The following CFHR4 variants were observed in gnomAD, a reference collection of about 807,000 sequenced individuals.
CFHR4 encodes the protein complement factor H-related protein 4.
A neutral mutation model predicts 69.3 loss-of-function variants in CFHR4; 64 were observed. The observed-to-expected ratio is 0.92, with a 90% confidence interval of 0.76 to 1.14. CFHR4 has a LOEUF of 1.14. Among genes scored for constraint, CFHR4 ranks in the 50% most tolerant of loss-of-function variants. The pLI, the probability that CFHR4 is intolerant of heterozygous loss-of-function variation, is 0.00. For missense variants in CFHR4, 636 were observed against 684.9 expected (o/e 0.93, Z 0.80); for synonymous variants, 244 against 237.0 (o/e 1.03, Z -0.27).
intron 6 of CFHR4, among the ~76,000 whole-genome samples, chr1:196,911,371 T>C (rs1658262274): frequency 6.6e-6 from 1 of 151,530 alleles, no homozygotes; most frequent in East Asian, 1.9e-4. Flanking sequence ...AGTATTTATA[T>C]TGAAATCATG....
chr1:196,893,770 C>A (rs1657148759), intron 1 of CFHR4, among the ~76,000 whole-genome samples: 1 of 151,540 alleles, frequency 6.6e-6, no homozygotes, highest in African/African-American at 2.4e-5. Flanking sequence ...GATTTACCAA[C>A]ACAAGAAGCA....
At chr1:196,895,817 G>A (rs551665714) in intron 1 of CFHR4, among the ~76,000 whole-genome samples, 2 of 151,260 alleles carry the variant, frequency 1.3e-5, no homozygotes, top group South Asian at 2.1e-4. Flanking sequence ...TTCTTTGTAT[G>A]ACATAATTTT....
chr1:196,906,708 C>CA lies in CFHR4; in HGVS notation c.440-145dup, dbSNP rs531928324. On this transcript the variant is annotated intron_variant, in intron 3 of 9. Transcript: ENST00000608469. ...TCTCTTGTAATTAACTGTTATAGCACAAAAAAAACACTGATTGTCGGACTA... is the reference window on the plus strand; with the variant it reads ...TCTCTTGTAATTAACTGTTATAGCACAAAAAAAAACACTGATTGTCGGACTA... Among the ~76,000 whole-genome samples, 185 of 150,748 alleles carry CA rather than the reference C, an allele frequency of 1.2e-3. 1 individual carries two copies. The highest frequency in any genetic ancestry group is 6.8e-3 in the Middle Eastern group (2 of 294).
intron 7 of CFHR4, among the ~76,000 whole-genome samples, chr1:196,914,113 A>T (rs540697791): frequency 1.8e-4 from 28 of 151,542 alleles, no homozygotes; most frequent in Admixed American, 4.6e-4. Flanking sequence ...GTAAATCGTT[A>T]CATAACTACA....
At chr1:196,896,757 A>G (rs1657318290) in intron 1 of CFHR4, among the ~76,000 whole-genome samples, 1 of 151,610 alleles carries the variant, frequency 6.6e-6, no homozygotes. Context: ...GTACAATCAG[A>G]CAAATTCTGG....
intron 9 of CFHR4, among the ~76,000 whole-genome samples, chr1:196,915,614 G>A (rs1275249089): frequency 2.0e-5 from 3 of 151,080 alleles, no homozygotes; most frequent in African/African-American, 7.3e-5. Flanking sequence ...CAGCCTGGGC[G>A]ACAGAGGGAG....
intron 3 of CFHR4, 65 bp from the exon 4 acceptor site, chr1:196,906,796 C>T: frequency 6.7e-7 from 1 of 1,494,940 alleles, no homozygotes; most frequent in Non-Finnish European, 8.9e-7. Context: ...TACAATGGGA[C>T]TTTCTTAGTC....
At position 196,912,593 on chromosome 1, in the gene CFHR4, A is replaced by G. The variant is rs1464368879; in HGVS notation, c.998-147A>G. 4 of 906,322 alleles carry G rather than the reference A, an allele frequency of 4.4e-6. No homozygotes were observed. In the Admixed American group the frequency reaches 1.1e-4, roughly 24 times the overall value. 56.1% of individuals were successfully genotyped at this position (906,322 alleles called of 1,614,324 possible). A position where few individuals can be genotyped will look rare whatever the true frequency, so the allele number is the denominator to read the frequency against. ...TTCGTGGTTTCCTTTAAGAACACGG[A>G]TGTCTAGGAAACTTCCAGTTTTGCT... On this transcript the variant is annotated intron_variant, in intron 6 of 9. Coordinates refer to ENST00000608469, the MANE Select transcript of CFHR4 (RefSeq NM_001201550.3).
intron 1 of CFHR4, among the ~76,000 whole-genome samples, chr1:196,898,963 C>A (rs1657452424): frequency 6.6e-6 from 1 of 151,524 alleles, no homozygotes; most frequent in African/African-American, 2.4e-5. Context: ...TAGGAGGAAG[C>A]CTTCATGTCA....
chr1:196,905,331 C>T (rs779752642), intron 3 of CFHR4, 41 bp downstream of exon 3: 3 of 1,605,930 alleles, frequency 1.9e-6, no homozygotes, highest in African/African-American at 1.3e-5. Context: ...CTGTCAACTT[C>T]TTTCCTCTCT....
At chr1:196,897,877 T>C (rs1229663314) in intron 1 of CFHR4, among the ~76,000 whole-genome samples, 2 of 151,308 alleles carry the variant, frequency 1.3e-5, no homozygotes, top group Non-Finnish European at 2.9e-5. Flanking sequence ...TGACAGGGAA[T>C]CGCCCTCTTC....
intron 1 of CFHR4, among the ~76,000 whole-genome samples, chr1:196,888,986 T>C (rs1656880253): frequency 7.0e-6 from 1 of 143,778 alleles, no homozygotes; most frequent in Non-Finnish European, 1.5e-5. Flanking sequence ...TAAAGAACTA[T>C]ATTGTATGTA....
At chr1:196,903,231 G>T (rs184898189) in intron 2 of CFHR4, among the ~76,000 whole-genome samples, 3 of 151,256 alleles carry the variant, frequency 2.0e-5, no homozygotes, top group African/African-American at 7.3e-5. Context: ...CTCTGAAGCC[G>T]AATTTATGTC....
At chr1:196,904,209 G>A (rs1253704223) in intron 2 of CFHR4, among the ~76,000 whole-genome samples, 1 of 151,454 alleles carries the variant, frequency 6.6e-6, no homozygotes, top group African/African-American at 2.4e-5. Context: ...TATAGGTATC[G>A]AAAATAAAAT....
At chr1:196,911,444 C>A (rs1431039764) in intron 6 of CFHR4, among the ~76,000 whole-genome samples, 1 of 151,366 alleles carries the variant, frequency 6.6e-6, no homozygotes, top group African/African-American at 2.4e-5. Context: ...AAATATAATG[C>A]TTGCCCAAAG....
rs1029702889 is a variant in CFHR4, at chr1:196,910,865, A to T, written c.997+387A>T. Among the ~76,000 whole-genome samples, 29 of 151,584 alleles carry T rather than the reference A, an allele frequency of 1.9e-4. 3 individuals carry two copies. The highest frequency in any genetic ancestry group is 1.6e-3 in the Admixed American group (24 of 15,192). ...TTATTTTAATATACTATTTTGATCA[A>T]ATTCATGTTCCTAATCTACCTTTTA... On this transcript the variant is annotated intron_variant, in intron 6 of 9. Coordinates refer to ENST00000608469, the MANE Select transcript of CFHR4 (RefSeq NM_001201550.3).
intron 2 of CFHR4, among the ~76,000 whole-genome samples, chr1:196,904,831 A>G (rs1212213195): frequency 1.3e-5 from 2 of 151,660 alleles, no homozygotes; most frequent in Admixed American, 6.6e-5. Context: ...CCAAATAATT[A>G]TAGGGAATTG....
At chr1:196,902,279 T>C in intron 1 of CFHR4, 139 bp from the exon 2 acceptor site, 2 of 636,182 alleles carry the variant, frequency 3.1e-6, no homozygotes, top group Non-Finnish European at 5.3e-6. Flanking sequence ...GGTCATTGGA[T>C]TTCTGTAACT....
rs375350994 is a variant in CFHR4 at position 196,901,472 on chromosome 1, T to TA, written c.59-944dup. ...GACAATAAACCAGTGGACTAAAGAA[T>TA]AATGGAGATAATAAACAATATTGTG... On this transcript the variant is annotated intron_variant, in intron 1 of 9. Coordinates refer to ENST00000608469, the MANE Select transcript of CFHR4 (RefSeq NM_001201550.3). Among the ~76,000 whole-genome samples, 89 of 151,436 alleles carry TA rather than the reference T, an allele frequency of 5.9e-4. 2 individuals are homozygous for TA. The highest frequency in any genetic ancestry group is 2.1e-3 in the African/African-American group (88 of 41,130).
Sources: allele counts gnomAD v4.1 joint callset (sites outside exome capture counted in the v4.1 genomes callset), GRCh38; gene constraint gnomAD v4.1.1; transcripts MANE v1.5; gene names NCBI Gene and HGNC (gene_info 2026-07-23, HGNC 2026-07-21).